Variants in HPCAL1 observed in about 807,000 individuals in gnomAD.
HPCAL1 encodes the protein hippocalcin like 1, also known as hippocalcin-like protein 1.
A neutral mutation model predicts 17.1 loss-of-function variants in HPCAL1; 8 were observed. The observed-to-expected ratio is 0.47, with a 90% CI of 0.27 to 0.84. The LOEUF is 0.84. HPCAL1 is among the 40% of genes least tolerant of loss of function. HPCAL1 has a pLI of 0.13. For missense variants in HPCAL1, 165 were observed against 271.1 expected, an observed-to-expected ratio of 0.61 and a Z score of 2.75; for synonymous variants, 112 against 111.4, an observed-to-expected ratio of 1.01 and a Z score of -0.03.
At chr2:10,369,764 A>G (rs1438123780) in intron 1 of HPCAL1, among the ~76,000 whole-genome samples, 1 of 152,214 alleles carries the variant, frequency 6.6e-6, no homozygotes, top group Non-Finnish European at 1.5e-5. Context: ...ATCAAATAAT[A>G]ATGAATATGC....
intron 2 of HPCAL1, among the ~76,000 whole-genome samples, chr2:10,401,426 C>T (rs1395591226): frequency 6.6e-6 from 1 of 152,032 alleles, no homozygotes; most frequent in Non-Finnish European, 1.5e-5. Flanking sequence ...TTCCTAGGCC[C>T]CCAGAGGGTC....
intron 1 of HPCAL1, among the ~76,000 whole-genome samples, chr2:10,378,663 T>C (rs1667744107): frequency 2.0e-5 from 3 of 152,096 alleles, no homozygotes; most frequent in Non-Finnish European, 1.5e-5. Context: ...CCCCACCCCC[T>C]ACCACCATCG....
At chr2:10,355,533 T>C (rs1400736805) in intron 1 of HPCAL1, among the ~76,000 whole-genome samples, 7 of 147,780 alleles carry the variant, frequency 4.7e-5, no homozygotes, top group Non-Finnish European at 4.4e-5. Flanking sequence ...AGGTGGGTTG[T>C]GAATCTTCAG....
At chr2:10,383,811 G>T (rs112678802) in intron 1 of HPCAL1, among the ~76,000 whole-genome samples, 6 of 152,142 alleles carry the variant, frequency 3.9e-5, no homozygotes, top group East Asian at 1.9e-4. Context: ...TGCGGGGAAG[G>T]GGGGGCTGTC....
At chr2:10,408,105 T>C (rs1433158351) in intron 2 of HPCAL1, among the ~76,000 whole-genome samples, 1 of 152,200 alleles carries the variant, frequency 6.6e-6, no homozygotes, top group Non-Finnish European at 1.5e-5. Context: ...CCTGTCGCAG[T>C]AGCAGCTTCT....
rs543209057 is a variant in HPCAL1, at chr2:10,400,054, G to A, written c.-25+3134G>A. On this transcript the variant is annotated intron_variant, in intron 2 of 4. Coordinates refer to ENST00000307845, the MANE Select transcript of HPCAL1 (RefSeq NM_002149.4). ...GGATAAAGAATGAGTGTCGGTTTTG[G>A]ATAGAGTGCTTGGGGAAGGCCTTCC... Among the ~76,000 whole-genome samples the A allele has an allele frequency of 5.3e-5, 8 of 152,334 alleles. No individual in the cohort carries two copies. In the South Asian group the frequency reaches 1.7e-3, roughly 32 times the overall value.
chr2:10,398,288 G>A (rs1669191102), intron 2 of HPCAL1, among the ~76,000 whole-genome samples: 1 of 152,234 alleles, frequency 6.6e-6, no homozygotes, highest in Non-Finnish European at 1.5e-5. Context: ...CCTGTATAAG[G>A]ATTAAAGTCC....
intron 2 of HPCAL1, among the ~76,000 whole-genome samples, chr2:10,414,736 C>T (rs966972689): frequency 2.0e-5 from 3 of 152,078 alleles, no homozygotes; most frequent in Non-Finnish European, 2.9e-5. Flanking sequence ...GAGAGGAGTA[C>T]GATGCCATCC....
intron 2 of HPCAL1, among the ~76,000 whole-genome samples, chr2:10,415,087 G>A (rs1670578611): frequency 6.6e-6 from 1 of 152,224 alleles, no homozygotes; most frequent in Non-Finnish European, 1.5e-5. Context: ...GGGTTTGGGG[G>A]TGCCCCAGCT....
At chr2:10,315,036 A>G (rs11674839) in intron 1 of HPCAL1, among the ~76,000 whole-genome samples, 7,798 of 152,268 alleles carry the variant, frequency 0.051, 670 homozygotes, top group African/African-American at 0.18. Context: ...TCACGCCTGT[A>G]ATCCCAGCAC....
rs139768537 is a variant in HPCAL1 at position 10,365,008 on chromosome 2, C to T, written c.-110-31827C>T. Among the ~76,000 whole-genome samples, 2 of 152,308 alleles carry T rather than the reference C, an allele frequency of 1.3e-5. No individual in the cohort carries two copies. The highest frequency in any genetic ancestry group is 4.8e-5 in the African/African-American group (2 of 41,560). ...AGCTTGTACATCTCTGTGATGTCAC[C>T]CAGGTGCCACCAGGTGTGTGTGTCC... On this transcript the variant is annotated intron_variant, in intron 1 of 4. Transcript: ENST00000307845. This position sits in a 1 kb window ranked among gnomAD's most constrained non-coding sequence, Gnocchi z 4.8.
intron 1 of HPCAL1, among the ~76,000 whole-genome samples, chr2:10,337,605 C>T (rs1259052525): frequency 6.6e-6 from 1 of 152,174 alleles, no homozygotes; most frequent in African/African-American, 2.4e-5. Flanking sequence ...TGACAAGGTG[C>T]CTGAGGCTCA....
intron 2 of HPCAL1, among the ~76,000 whole-genome samples, chr2:10,412,149 C>T (rs959316168): frequency 5.3e-5 from 8 of 152,220 alleles, no homozygotes; most frequent in Non-Finnish European, 8.8e-5. Context: ...CTCTATTCCA[C>T]GCAGTCACGC....
chr2:10,389,159 C>T (rs73163033), intron 1 of HPCAL1, among the ~76,000 whole-genome samples: 7,669 of 152,200 alleles, frequency 0.05, 653 homozygotes, highest in African/African-American at 0.17. Context: ...CCGGAAGTTA[C>T]GGCTCCTTTC....
intron 2 of HPCAL1, among the ~76,000 whole-genome samples, chr2:10,416,304 C>T (rs1416447106): frequency 1.3e-5 from 2 of 152,328 alleles, no homozygotes; most frequent in Non-Finnish European, 2.9e-5. Flanking sequence ...CCCCAGTGAG[C>T]GATGCCCTGG....
At chr2:10,327,271 T>C (rs1664074832) in intron 1 of HPCAL1, among the ~76,000 whole-genome samples, 1 of 152,202 alleles carries the variant, frequency 6.6e-6, no homozygotes, top group South Asian at 2.1e-4. Flanking sequence ...TTTCAAAACA[T>C]GCATTTTGTA....
At chr2:10,320,712 C>G (rs988370395) in intron 1 of HPCAL1, among the ~76,000 whole-genome samples, 6 of 152,212 alleles carry the variant, frequency 3.9e-5, no homozygotes, top group Non-Finnish European at 8.8e-5. Context: ...TCAGTGGGCT[C>G]CACCTGGCAC....
chr2:10,324,243 A>G (rs978090256), intron 1 of HPCAL1: 2 of 152,240 alleles, frequency 1.3e-5, no homozygotes, highest in African/African-American at 4.8e-5. Flanking sequence ...TGGAAATGCC[A>G]AAGTTGTTAA....
chr2:10,416,138 G>A (rs1350005997), intron 2 of HPCAL1, among the ~76,000 whole-genome samples: 2 of 152,200 alleles, frequency 1.3e-5, no homozygotes, highest in Non-Finnish European at 1.5e-5. Flanking sequence ...AGGGCTTAGC[G>A]GCAGTCAAGG....
Sources: allele counts gnomAD v4.1 joint callset (sites outside exome capture counted in the v4.1 genomes callset), GRCh38; gene constraint gnomAD v4.1.1; non-coding constraint Gnocchi (gnomAD v3.1); transcripts MANE v1.5; gene names NCBI Gene and HGNC (gene_info 2026-07-23, HGNC 2026-07-21).